Variants in PRRC2B observed in about 807,000 individuals in gnomAD.
The protein encoded by PRRC2B is protein PRRC2B.
A neutral mutation model predicts 242.3 loss-of-function variants in PRRC2B; 68 were observed. The ratio of observed to expected loss-of-function variants is 0.28; its 90% confidence interval spans 0.23 to 0.34. The LOEUF (loss-of-function observed/expected upper bound fraction) is 0.34. Ranked by LOEUF, PRRC2B falls within the 10% of genes least tolerant of loss-of-function variation. The pLI is 1.00. For missense variants in PRRC2B, 2,835 were observed against 2,954.8 expected, an observed-to-expected ratio of 0.96 and a Z score of 0.94; for synonymous variants, 1,228 against 1,173.6, an observed-to-expected ratio of 1.05 and a Z score of -0.95.
chr9:131,457,641 A>G (rs199572379), intron 10 of PRRC2B, among the ~76,000 whole-genome samples: 40 of 152,220 alleles, frequency 2.6e-4, no homozygotes, highest in East Asian at 1.9e-3. Context: ...CTCTGGGGCC[A>G]CTGGGACCTC....
At position 131,446,093 on chromosome 9, in the gene PRRC2B, A is replaced by G. The variant is rs746834997; in HGVS notation, c.614-308A>G. ...ACCCAAGGCTGGTTTCATCAGGGCC[A>G]TCTTCATCTCTCTGGGTTGTGAGAC... is the stretch of plus-strand genomic sequence containing the variant. On this transcript the variant is annotated intron_variant, in intron 6 of 31. Coordinates refer to ENST00000683519, the MANE Select transcript of PRRC2B (RefSeq NM_013318.4). This position sits in a 1 kb window ranked among gnomAD's most constrained non-coding sequence, Gnocchi z 4.1. Among the ~76,000 whole-genome samples the G allele has an allele frequency of 3.9e-5, 6 of 151,984 alleles. No individual in the cohort carries two copies. Among genetic ancestry groups the G allele is most frequent in the Non-Finnish European group, 7.4e-5 (5 of 68,006 alleles).
chr9:131,401,945 G>A (rs1480777239), intron 1 of PRRC2B, among the ~76,000 whole-genome samples: 4 of 151,428 alleles, frequency 2.6e-5, no homozygotes, highest in Non-Finnish European at 5.9e-5. Flanking sequence ...ACAGGCGTGA[G>A]CCACTGTGCT....
chr9:131,411,536 CAG>C (rs1490674550), intron 1 of PRRC2B, among the ~76,000 whole-genome samples: 3 of 151,472 alleles, frequency 2.0e-5, no homozygotes, highest in Non-Finnish European at 1.5e-5. Flanking sequence ...TTAGTAGAGA[CAG>C]GGTTTCACTG....
rs1944067779 is a variant in PRRC2B at position 131,487,748 on chromosome 9, GCCGGGGATCTGTGGTTTAGCAAGCTCT to G, written c.5985-97_5985-71del. 8.3e-6 allele frequency: 12 copies of G among 1,438,120 alleles called. No individual in the cohort carries two copies. The South Asian group carries it at 1.4e-4, about 17-fold the overall frequency. The allele number at this position is 1,438,120 out of a possible 1,614,324, so 89.1% of individuals were successfully genotyped here. A position where few individuals can be genotyped will look rare whatever the true frequency, so the allele number is the denominator to read the frequency against. ...CTCTGAGTCGCGCTCTGGGGGTGGGGCCGGGGATCTGTGGTTTAGCAAGCTCTCCGGGGATCTCTGAAGGGTGGGACC... is the reference window on the plus strand; with the variant it reads ...CTCTGAGTCGCGCTCTGGGGGTGGGGCCGGGGATCTCTGAAGGGTGGGACC... On this transcript the variant is annotated intron_variant, in intron 27 of 31. Transcript: ENST00000683519. This position sits in a 1 kb window ranked among gnomAD's most constrained non-coding sequence, Gnocchi z 5.3.
In PRRC2B at chr9:131,440,746, T is replaced by C. The variant is rs551399540; in HGVS notation, c.469+1685T>C. Among the ~76,000 whole-genome samples, 5 of 152,346 alleles carry C rather than the reference T, an allele frequency of 3.3e-5. No individual in the cohort carries two copies. In the South Asian group the frequency reaches 8.3e-4, roughly 25 times the overall value. The stretch of plus-strand genomic sequence containing the variant: ...AAGAAAAAAAGCAGAAGTTTTCTAT[T>C]GATTTGGCAAGATCTTCAGGTGAAA... On this transcript the variant is annotated intron_variant, in intron 5 of 31. Coordinates refer to ENST00000683519, the MANE Select transcript of PRRC2B (RefSeq NM_013318.4).
intron 1 of PRRC2B, among the ~76,000 whole-genome samples, chr9:131,400,253 G>GT (rs1396582463): frequency 2.0e-5 from 3 of 151,870 alleles, no homozygotes; most frequent in Non-Finnish European, 4.4e-5. Context: ...GCCTGACTAA[G>GT]TTTTGTATTT....
chr9:131,385,870 T>A (rs997564950), intron 1 of PRRC2B, among the ~76,000 whole-genome samples: 8 of 150,002 alleles, frequency 5.3e-5, no homozygotes, highest in African/African-American at 1.9e-4. Context: ...ATCTTTTGTA[T>A]TTGTAGTAGA....
In PRRC2B at chr9:131,447,120, A is replaced by G. The variant is rs1369008498; in HGVS notation, c.891A>G (p.Thr297=). The part of the protein sequence containing the change: ...CSPKSSENQG[T]VERGSFPLPQ... ...CGAAGTCATCAGAAAACCAGGGTAC[A>G]GTGGAACGAGGCTCTTTTCCCCTTC... Residue 297 remains threonine (T), a synonymous_variant, in exon 8 of 32, where the codon ACA becomes ACG. Transcript: ENST00000683519. The G allele has an allele frequency of 2.5e-6, 4 of 1,613,946 alleles. No individual in the cohort carries two copies. The highest frequency in any genetic ancestry group is 1.7e-5 in the Admixed American group (1 of 60,010).
chr9:131,392,048 T>G (rs527315999), upstream of PRRC2B, among the ~76,000 whole-genome samples: 7 of 151,572 alleles, frequency 4.6e-5, no homozygotes, highest in East Asian at 1.4e-3. Context: ...GCCTTACAAA[T>G]AAAGAATCTG....
At chr9:131,382,012 T>TTTTA (rs1299745998) in intron 1 of PRRC2B, among the ~76,000 whole-genome samples, 2 of 151,486 alleles carry the variant, frequency 1.3e-5, no homozygotes, top group Non-Finnish European at 2.9e-5. Context: ...AGTTTCCAAG[T>TTTTA]TTTATTTATT....
At chr9:131,398,495 G>C (rs191865764) in intron 1 of PRRC2B, among the ~76,000 whole-genome samples, 1 of 152,172 alleles carries the variant, frequency 6.6e-6, no homozygotes, top group Admixed American at 6.5e-5. Context: ...ACTTCCTTCC[G>C]TTCTTACCTC....
At chr9:131,377,760 G>T (rs1441677947) in intron 1 of PRRC2B, among the ~76,000 whole-genome samples, 6 of 152,054 alleles carry the variant, frequency 3.9e-5, no homozygotes, top group Non-Finnish European at 8.8e-5. Flanking sequence ...TTGTTTATTT[G>T]TTTGTTTTGT....
chr9:131,497,608 C>T lies in PRRC2B; in HGVS notation c.*1734C>T, dbSNP rs1481130028. ...ATCTTAGGAACTGCTGAAGTAACTT[C>T]TTACTGCTCTCACAATTCTAAGGAA... is the stretch of plus-strand genomic sequence containing the variant. On this transcript the variant is annotated 3_prime_UTR_variant, in exon 32 of 32. Transcript: ENST00000683519. The T allele has an allele frequency of 6.6e-6, 1 of 152,236 alleles. No homozygotes were observed. Among genetic ancestry groups the T allele is most frequent in the Non-Finnish European group, 1.5e-5 (1 of 68,056 alleles). 9.4% of individuals were successfully genotyped at this position (152,236 alleles called of 1,614,324 possible).
At chr9:131,448,543 C>CAGAAAAA (rs1838884232) in intron 9 of PRRC2B, among the ~76,000 whole-genome samples, 1 of 39,874 alleles carries the variant, frequency 2.5e-5, no homozygotes, top group Admixed American at 2.7e-4. Flanking sequence ...GACACTGTCT[C>CAGAAAAA]AAAAAAAAAA....
chr9:131,431,304 G>C (rs934196477), intron 2 of PRRC2B, among the ~76,000 whole-genome samples: 1 of 151,836 alleles, frequency 6.6e-6, no homozygotes, highest in Non-Finnish European at 1.5e-5. Flanking sequence ...CTAATTTTTT[G>C]TATTTTTAGT....
chr9:131,448,354 G>A (rs1003777629), intron 9 of PRRC2B, among the ~76,000 whole-genome samples: 8 of 151,724 alleles, frequency 5.3e-5, no homozygotes, highest in African/African-American at 1.9e-4. Flanking sequence ...GACCATCCTG[G>A]CTAACATGGT....
At chr9:131,415,761 G>T (rs534197286) in intron 1 of PRRC2B, among the ~76,000 whole-genome samples, 1 of 152,186 alleles carries the variant, frequency 6.6e-6, no homozygotes, top group East Asian at 1.9e-4. Flanking sequence ...TTGCAAGAGG[G>T]ATGACTTTTA....
Position 131,474,920 on chromosome 9 carries a change from G to C in PRRC2B, c.2791G>C (p.Glu931Gln). 2 of 1,594,956 alleles carry C rather than the reference G, an allele frequency of 1.3e-6. No individual in the cohort carries two copies. Among genetic ancestry groups the C allele is most frequent in the Non-Finnish European group, 1.7e-6 (2 of 1,171,368 alleles). ...CCGGAGCTCCAGCAGCCAGCACCCG[G>C]AGCAGACGGGCAGGACCCGGAGGTC... ...EPRSSSSQHP[E>Q]QTGRTRRSGP... The change falls in exon 16 of 32, where the codon GAG becomes CAG. Residue 931 changes from glutamate (E) to glutamine (Q), a missense_variant. This residue lies in a region of PRRC2B where 1,536 missense variants were observed against 1,483.1 expected (regional missense o/e 1.04). Transcript: ENST00000683519.
intron 1 of PRRC2B, among the ~76,000 whole-genome samples, chr9:131,429,005 G>C (rs988128202): frequency 5.3e-5 from 8 of 152,162 alleles, no homozygotes; most frequent in African/African-American, 1.9e-4. Context: ...GCCTAGACGG[G>C]AGTGCAGTGG....
Sources: allele counts gnomAD v4.1 joint callset (sites outside exome capture counted in the v4.1 genomes callset), GRCh38; gene constraint gnomAD v4.1.1; regional missense constraint gnomAD v4.1.1; non-coding constraint Gnocchi (gnomAD v3.1); transcripts MANE v1.5; gene names NCBI Gene and HGNC (gene_info 2026-07-23, HGNC 2026-07-21).